The following PKHD1L1 variants were observed in gnomAD, a reference collection of about 807,000 sequenced individuals.
PKHD1L1 encodes fibrocystin-L.
PKHD1L1 carries 434 observed loss-of-function variants against 462.9 expected under a neutral mutation model. The ratio of observed to expected loss-of-function variants is 0.94; its 90% CI spans 0.87 to 1.02. The LOEUF is 1.02. PKHD1L1 is among the 50% of genes least tolerant of loss of function. The pLI is 0.00. For missense variants in PKHD1L1, 5,202 were observed against 5,096.1 expected, an observed-to-expected ratio of 1.02 and a Z score of -0.63; for synonymous variants, 1,781 against 1,750.0, an observed-to-expected ratio of 1.02 and a Z score of -0.44.
At position 109,523,376 on chromosome 8, in the gene PKHD1L1, C is replaced by G; in HGVS notation, c.12474C>G (p.Pro4158=). The change falls in exon 76 of 78, where the codon CCC becomes CCG. Residue 4158 remains proline (P), a synonymous_variant. Transcript: ENST00000378402. ...GGGCCAACTACACAGACCTTACTCC[C>G]CTTAGAACAGGTGGGTGCACTATTT... is the stretch of plus-strand genomic sequence containing the variant. ...SCWANYTDLT[P]LRTGKNYKIE... is the part of the protein sequence containing the mutation. 1.2e-6 allele frequency: 2 copies of G among 1,611,924 alleles called. No homozygotes were observed. Among genetic ancestry groups the G allele is most frequent in the Non-Finnish European group, 1.7e-6 (2 of 1,178,630 alleles).
intron 57 of PKHD1L1, among the ~76,000 whole-genome samples, chr8:109,483,540 AG>A (rs1818376745): frequency 6.7e-6 from 1 of 149,014 alleles, no homozygotes; most frequent in Non-Finnish European, 1.5e-5. Flanking sequence ...TATATATGTA[AG>A]TCATAAGAAA....
Position 109,443,734 on chromosome 8 carries a change from C to G in PKHD1L1, c.4623C>G (p.Pro1541=). 1 of 1,613,656 alleles carries G rather than the reference C, an allele frequency of 6.2e-7. No homozygotes were observed. The highest frequency in any genetic ancestry group is 1.1e-5 in the South Asian group (1 of 91,054). The part of the protein sequence containing the change: ...SSVAGCLATE[P]LCSLNNTRVK... ...TGGCAGGCTGCCTAGCAACAGAACC[C>G]CTGTGCAGCCTGAACAATACCAGGG... Residue 1541 remains proline (P), a synonymous_variant, in exon 37 of 78, where the codon CCC becomes CCG. Coordinates refer to ENST00000378402, the MANE Select transcript of PKHD1L1 (RefSeq NM_177531.6).
chr8:109,385,263 TC>T (rs1426650888), intron 5 of PKHD1L1, among the ~76,000 whole-genome samples: 61 of 151,548 alleles, frequency 4.0e-4, no homozygotes, highest in African/African-American at 1.4e-3. Context: ...TTTTTTTTTT[TC>T]TCAAATAGTC....
At chr8:109,396,887 C>T (rs1293235513) in intron 11 of PKHD1L1, among the ~76,000 whole-genome samples, 2 of 152,100 alleles carry the variant, frequency 1.3e-5, no homozygotes, top group Admixed American at 1.3e-4. Context: ...CAGATTCTGC[C>T]CACAAGCCAG....
chr8:109,445,856 C>T (rs1254364610), intron 38 of PKHD1L1, among the ~76,000 whole-genome samples: 1 of 152,136 alleles, frequency 6.6e-6, no homozygotes, highest in Non-Finnish European at 1.5e-5. Flanking sequence ...CAAATTTCAA[C>T]TTCTATTTAG....
In PKHD1L1 at chr8:109,494,892, CAAGAAATTTA is replaced by C. The variant is rs67248121; in HGVS notation, c.10327+1158_10327+1167del. Among the ~76,000 whole-genome samples the C allele has an allele frequency of 7.4e-3, 1,121 of 151,888 alleles. 2 individuals carry two copies. Among genetic ancestry groups the C allele is most frequent in the Non-Finnish European group, 0.011 (752 of 67,798 alleles). ...TAATAAATCTGCAGACTTTACCCCT[CAAGAAATTTA>C]AAGAAATTTAAAGAAAATGGGACTT... On this transcript the variant is annotated intron_variant, in intron 63 of 77. Coordinates refer to ENST00000378402, the MANE Select transcript of PKHD1L1 (RefSeq NM_177531.6).
intron 12 of PKHD1L1, among the ~76,000 whole-genome samples, chr8:109,398,782 G>A (rs1472074851): frequency 1.3e-5 from 2 of 152,014 alleles, no homozygotes; most frequent in African/African-American, 4.8e-5. Flanking sequence ...ACACCCTACT[G>A]AAAATAGCAC....
intron 63 of PKHD1L1, among the ~76,000 whole-genome samples, chr8:109,496,123 T>G (rs930401123): frequency 7.9e-5 from 12 of 152,196 alleles, no homozygotes; most frequent in Admixed American, 7.2e-4. Context: ...GTTAAAATAT[T>G]TAAAGACCAC....
intron 24 of PKHD1L1, among the ~76,000 whole-genome samples, chr8:109,426,748 G>A (rs1298466080): frequency 6.6e-6 from 1 of 152,134 alleles, no homozygotes; most frequent in Non-Finnish European, 1.5e-5. Context: ...CGCCTTCCGG[G>A]TTCAAGTGGT....
chr8:109,483,178 C>A, intron 57 of PKHD1L1, 73 bp downstream of exon 57: 1 of 1,006,644 alleles, frequency 9.9e-7, no homozygotes, highest in Non-Finnish European at 1.4e-6. Flanking sequence ...CTATTCTACT[C>A]TCATGGGCAT....
intron 37 of PKHD1L1, 64 bp from the exon 38 acceptor site, chr8:109,444,597 C>T: frequency 7.0e-7 from 1 of 1,426,786 alleles, no homozygotes; most frequent in East Asian, 2.3e-5. Flanking sequence ...GTTGCTAATA[C>T]AAAATTTGTT....
intron 2 of PKHD1L1, among the ~76,000 whole-genome samples, chr8:109,371,099 A>T (rs1811484494): frequency 6.6e-6 from 1 of 152,212 alleles, no homozygotes; most frequent in South Asian, 2.1e-4. Context: ...GCAATGGTTG[A>T]ACTAGTTTAC....
In PKHD1L1 at chr8:109,419,157, T is replaced by A. The variant is rs769014791; in HGVS notation, c.2421T>A (p.Asn807Lys). ...DLVRTKYTGT[N>K]VSLQRISLHK... ...TAAGAACGAAATACACTGGGACAAA[T>A]GTTTCTCTTCAGAGGATTAGCTTAC... The change falls in exon 22 of 78, where the codon AAT (asparagine) becomes AAA (lysine). Residue 807 changes from asparagine to lysine, a missense_variant. Physicochemically the swap from Asn to Lys is moderately conservative, Grantham distance 94. Coordinates refer to ENST00000378402, the MANE Select transcript of PKHD1L1 (RefSeq NM_177531.6). The A allele has an allele frequency of 8.1e-6, 13 of 1,613,526 alleles. No individual in the cohort carries two copies. Among genetic ancestry groups the A allele is most frequent in the Middle Eastern group, 1.6e-4 (1 of 6,082 alleles).
chr8:109,480,100 C>G lies in PKHD1L1; in HGVS notation c.9288C>G (p.Tyr3096Ter). ...ATGTAGGAGCTGCAGAATCTTCTTA[C>G]AGAGAAGTTGTTTTGAATGCTACCT... The part of the protein sequence containing the change: ...KYNVGAAESS[Y>*]REVVLNATYI... The change falls in exon 55 of 78, where the codon TAC becomes TAG. Residue 3096 changes from tyrosine (Y) to a stop codon, truncating the protein, a stop_gained. Transcript: ENST00000378402. LOFTEE classifies it high-confidence loss of function. 6.3e-7 allele frequency: 1 copy of G among 1,577,634 alleles called. No individual in the cohort carries two copies. The highest frequency in any genetic ancestry group is 1.4e-5 in the African/African-American group (1 of 73,878).
chr8:109,498,922 T>C, intron 67 of PKHD1L1, 151 bp downstream of exon 67: 2 of 696,964 alleles, frequency 2.9e-6, no homozygotes. Flanking sequence ...GACATCAGAG[T>C]CAATTTTGAG....
chr8:109,394,723 A>G (rs958233537), intron 10 of PKHD1L1, among the ~76,000 whole-genome samples: 2 of 152,200 alleles, frequency 1.3e-5, no homozygotes, highest in Non-Finnish European at 2.9e-5. Flanking sequence ...CATTACACTA[A>G]CACAGACAGC....
chr8:109,438,971 G>C lies in PKHD1L1; in HGVS notation c.3835G>C (p.Gly1279Arg). The C allele has an allele frequency of 6.2e-7, 1 of 1,613,606 alleles. No homozygotes were observed. The highest frequency in any genetic ancestry group is 8.5e-7 in the Non-Finnish European group (1 of 1,179,658). The change falls in exon 32 of 78, where the codon GGA (glycine) becomes CGA (arginine). Residue 1279 changes from glycine to arginine, a missense_variant. Transcript: ENST00000378402. ...ACAAAACATGGCGGTGTATGTTGGA[G>C]GAAAAACCTGCCAGATTCTTCACTG... The part of the protein sequence containing the change: ...LTQNMAVYVG[G>R]KTCQILHWNF...
rs1259365657 is a variant in PKHD1L1 at position 109,475,286 on chromosome 8, T to C, written c.8757+17T>C. 6.4e-7 allele frequency: 1 copy of C among 1,565,838 alleles called. No individual in the cohort carries two copies. The highest frequency in any genetic ancestry group is 8.7e-7 in the Non-Finnish European group (1 of 1,147,046). ...GGATTCAAGGTAAAAATATTTATCT[T>C]CTAATGATTATAATTGTGTATTACC... On this transcript the variant is annotated intron_variant, in intron 51 of 77. Transcript: ENST00000378402.
chr8:109,427,983 A>G (rs1353021126), intron 25 of PKHD1L1, among the ~76,000 whole-genome samples: 1 of 134,290 alleles, frequency 7.4e-6, no homozygotes, highest in South Asian at 2.6e-4. Context: ...TGCCATTGCC[A>G]TTGCACTCCA....
Sources: allele counts gnomAD v4.1 joint callset (sites outside exome capture counted in the v4.1 genomes callset), GRCh38; gene constraint gnomAD v4.1.1; transcripts MANE v1.5; gene names NCBI Gene and HGNC (gene_info 2026-07-23, HGNC 2026-07-21).